SCFD2: variants seen among roughly 807,000 people sequenced by gnomAD.
The protein encoded by SCFD2 is sec1 family domain-containing protein 2.
In SCFD2, 54 loss-of-function variants were observed where a neutral mutation model predicts 58.9. The ratio of observed to expected loss-of-function variants is 0.92; its 90% CI spans 0.74 to 1.15. SCFD2 has a LOEUF of 1.15. Among genes scored for constraint, SCFD2 ranks in the 50% most tolerant of loss-of-function variants. The pLI is 0.00. For missense variants in SCFD2, 805 were observed against 836.6 expected (o/e 0.96, Z 0.47); for synonymous variants, 321 against 335.9 (o/e 0.96, Z 0.49).
chr4:52,875,165 C>G (rs2109436112), intron 8 of SCFD2, among the ~76,000 whole-genome samples: 1 of 152,324 alleles, frequency 6.6e-6, no homozygotes, highest in Admixed American at 6.5e-5. Context: ...CCGTGCCTCC[C>G]TTCCCTGTCA....
chr4:53,334,613 A>G (rs1733616062), intron 2 of SCFD2, among the ~76,000 whole-genome samples: 1 of 148,012 alleles, frequency 6.8e-6, no homozygotes, highest in African/African-American at 2.5e-5. Context: ...GGGTGGGGGG[A>G]AGGGGGAGGG....
intron 3 of SCFD2, among the ~76,000 whole-genome samples, chr4:53,276,845 TTTTTA>T (rs1731343167): frequency 6.6e-6 from 1 of 152,248 alleles, no homozygotes; most frequent in African/African-American, 2.4e-5. Context: ...TTGTCAGCTA[TTTTTA>T]TTTTAATGAT....
chr4:53,303,836 G>C (rs376685599), intron 3 of SCFD2, among the ~76,000 whole-genome samples: 28,041 of 150,958 alleles, frequency 0.19, 2,862 homozygotes, highest in Non-Finnish European at 0.24. Flanking sequence ...ATCATTCTCA[G>C]CAAACTATCG....
intron 5 of SCFD2, chr4:52,958,043 C>T (rs541468900): frequency 1.3e-5 from 2 of 150,778 alleles, no homozygotes; most frequent in Admixed American, 1.3e-4. Context: ...TCTCCAGGCA[C>T]TTCTTGGAAC....
intron 5 of SCFD2, among the ~76,000 whole-genome samples, chr4:52,974,366 T>G (rs574810804): frequency 0.02 from 2,985 of 152,252 alleles, 103 homozygotes; most frequent in African/African-American, 0.068. Context: ...AGCATTCTTA[T>G]ACACCAATAA....
chr4:53,066,579 T>C (rs2148845520), intron 5 of SCFD2, among the ~76,000 whole-genome samples: 1 of 152,216 alleles, frequency 6.6e-6, no homozygotes, highest in African/African-American at 2.4e-5. Flanking sequence ...CCTGTATGGG[T>C]CCTATGAGGT....
chr4:53,022,539 A>G (rs1450024540), intron 5 of SCFD2, among the ~76,000 whole-genome samples: 1 of 152,226 alleles, frequency 6.6e-6, no homozygotes, highest in Admixed American at 6.5e-5. Flanking sequence ...AAATGAAGGG[A>G]AAATGCCTAA....
chr4:53,079,532 A>C (rs1194001606), intron 5 of SCFD2, among the ~76,000 whole-genome samples: 1 of 152,098 alleles, frequency 6.6e-6, no homozygotes, highest in Non-Finnish European at 1.5e-5. Context: ...TGGATCCAAA[A>C]ATTTTTTTTA....
chr4:53,077,016 C>T (rs1723996887), intron 5 of SCFD2, among the ~76,000 whole-genome samples: 1 of 152,012 alleles, frequency 6.6e-6, no homozygotes, highest in African/African-American at 2.4e-5. Context: ...CTTTAAGCAC[C>T]CAATGGTATC....
intron 5 of SCFD2, among the ~76,000 whole-genome samples, chr4:53,063,950 G>T (rs1723586216): frequency 6.6e-6 from 1 of 151,890 alleles, no homozygotes; most frequent in Non-Finnish European, 1.5e-5. Flanking sequence ...AGCTAATTTT[G>T]AGGCAAATTG....
chr4:53,112,708 T>G (rs57108885), intron 5 of SCFD2, among the ~76,000 whole-genome samples: 1 of 152,260 alleles, frequency 6.6e-6, no homozygotes, highest in East Asian at 1.9e-4. Flanking sequence ...CTTTCCTCAC[T>G]GAGAAAATGG....
At chr4:52,920,663 A>G (rs1021348420) in intron 6 of SCFD2, 62 bp downstream of exon 6, 1 of 1,247,280 alleles carries the variant, frequency 8.0e-7, no homozygotes, top group African/African-American at 1.6e-5. Flanking sequence ...CTTTTCTTCT[A>G]TAGACTCTGA....
At chr4:52,961,623 G>A (rs1720854375) in intron 5 of SCFD2, among the ~76,000 whole-genome samples, 1 of 152,200 alleles carries the variant, frequency 6.6e-6, no homozygotes, top group Non-Finnish European at 1.5e-5. Context: ...CTTGGCAGAG[G>A]ATGGGAGGGG....
At chr4:53,077,665 C>T (rs558961366) in intron 5 of SCFD2, among the ~76,000 whole-genome samples, 71 of 152,058 alleles carry the variant, frequency 4.7e-4, no homozygotes, top group Admixed American at 1.8e-3. Context: ...CTCGAACTCC[C>T]GACCTCAGGT....
At chr4:52,904,563 A>G (rs1207696187) in intron 7 of SCFD2, among the ~76,000 whole-genome samples, 2 of 152,356 alleles carry the variant, frequency 1.3e-5, no homozygotes, top group Non-Finnish European at 2.9e-5. Flanking sequence ...CAGATGAGGT[A>G]GCAGCAGATG....
intron 4 of SCFD2, among the ~76,000 whole-genome samples, chr4:53,213,902 G>A (rs1202866107): frequency 6.6e-6 from 1 of 151,944 alleles, no homozygotes; most frequent in Non-Finnish European, 1.5e-5. Context: ...GAGAACATGT[G>A]GTGTTTGGTT....
intron 5 of SCFD2, among the ~76,000 whole-genome samples, chr4:53,000,867 CTGG>C (rs2148800386): frequency 6.6e-6 from 1 of 152,308 alleles, no homozygotes; most frequent in South Asian, 2.1e-4. Context: ...CACTCACTTC[CTGG>C]TATACGGCCT....
At chr4:53,060,662 T>C (rs1287628852) in intron 5 of SCFD2, among the ~76,000 whole-genome samples, 1 of 152,072 alleles carries the variant, frequency 6.6e-6, no homozygotes, top group Non-Finnish European at 1.5e-5. Context: ...TAATGAGACA[T>C]TAAGGAAATC....
chr4:53,285,223 T>C (rs1436421906), intron 3 of SCFD2, among the ~76,000 whole-genome samples: 1 of 152,170 alleles, frequency 6.6e-6, no homozygotes, highest in South Asian at 2.1e-4. Flanking sequence ...AATGCAGCCT[T>C]CTTGAGGCTA....
Sources: gnomAD v4.1 joint callset for allele counts (sites outside exome capture counted in the v4.1 genomes callset) on GRCh38, gnomAD v4.1.1 for gene constraint, MANE v1.5 for transcripts, NCBI Gene and HGNC (gene_info 2026-07-23, HGNC 2026-07-21) for gene names.